TLCD4: variants seen among roughly 807,000 people sequenced by gnomAD.
TLCD4 encodes TLC domain containing 4.
TLCD4 carries 7 observed loss-of-function variants against 24.2 expected under a neutral mutation model. That is an observed-to-expected ratio of 0.29 (90% CI 0.16 to 0.54). The LOEUF is 0.54. Among genes scored for constraint, TLCD4 ranks in the 20% least tolerant of loss-of-function variants. TLCD4 has a pLI of 0.95. For synonymous variants in TLCD4, 103 were observed against 106.4 expected (o/e 0.97, Z 0.20); for missense variants, 259 against 313.9 (o/e 0.82, Z 1.32).
chr1:95,158,464 T>A (rs1186849859), intron 5 of TLCD4, among the ~76,000 whole-genome samples: 18 of 151,976 alleles, frequency 1.2e-4, no homozygotes, highest in Admixed American at 1.1e-3. Flanking sequence ...ATTACAGGCA[T>A]GATTCACCAT....
At chr1:95,096,252 C>A in the TLCD4 span, among the ~76,000 whole-genome samples, 7 of 152,196 alleles carry the variant, frequency 4.6e-5, no homozygotes, top group Non-Finnish European at 8.8e-5. Flanking sequence ...AGGTCCACTG[C>A]CTGTTTTTGT....
At position 95,148,909 on chromosome 1, in the gene TLCD4, A is replaced by G. The variant is rs917952767; in HGVS notation, c.245+118A>G. 4.6e-6 allele frequency: 6 copies of G among 1,297,820 alleles called. No homozygotes were observed. The African/African-American group carries it at 9.0e-5, about 19-fold the overall frequency. 80.4% of individuals were successfully genotyped at this position (1,297,820 alleles called of 1,614,324 possible). A position where few individuals can be genotyped will look rare whatever the true frequency, so the allele number is the denominator to read the frequency against. ...TATTGATCGTATATGCCTTATTAAAATGCTTGTGCTCAGACATTCTAGCAA... is the reference window on the plus strand; with the variant it reads ...TATTGATCGTATATGCCTTATTAAAGTGCTTGTGCTCAGACATTCTAGCAA... On this transcript the variant is annotated intron_variant, in intron 3 of 6. Transcript: ENST00000370203.
chr1:95,186,879 A>T (rs1256208047), intron 6 of TLCD4, among the ~76,000 whole-genome samples: 1 of 152,188 alleles, frequency 6.6e-6, no homozygotes, highest in Non-Finnish European at 1.5e-5. Context: ...AAATTATTTG[A>T]TATTTTAATC....
the TLCD4 span, among the ~76,000 whole-genome samples, chr1:95,100,836 T>A: frequency 6.6e-6 from 1 of 152,192 alleles, no homozygotes; most frequent in Non-Finnish European, 1.5e-5. Context: ...AAATTATCTT[T>A]TAAGAAAGAT....
chr1:95,119,578 G>C (rs972317619), intron 1 of TLCD4, among the ~76,000 whole-genome samples: 14 of 152,158 alleles, frequency 9.2e-5, no homozygotes, highest in African/African-American at 3.4e-4. Context: ...GCAGGTTTGG[G>C]AATGTACCTG....
chr1:95,181,621 G>C (rs1403105501), intron 6 of TLCD4, among the ~76,000 whole-genome samples: 1 of 119,844 alleles, frequency 8.3e-6, no homozygotes, highest in Non-Finnish European at 1.9e-5. Flanking sequence ...TTTTGAGATG[G>C]AGTCTCGCAT....
intron 1 of TLCD4, among the ~76,000 whole-genome samples, chr1:95,139,330 T>G (rs1677135000): frequency 6.6e-6 from 1 of 151,848 alleles, no homozygotes; most frequent in Non-Finnish European, 1.5e-5. Context: ...TGAACATTAC[T>G]GTAGGCTTTA....
upstream of TLCD4, among the ~76,000 whole-genome samples, chr1:95,115,090 A>T (rs1344432820): frequency 6.9e-6 from 1 of 144,798 alleles, no homozygotes; most frequent in African/African-American, 2.5e-5. Flanking sequence ...TATACACATT[A>T]TATATATATA....
At chr1:95,150,907 TTTTG>T (rs1422292303) in intron 4 of TLCD4, among the ~76,000 whole-genome samples, 68 of 152,302 alleles carry the variant, frequency 4.5e-4, no homozygotes, top group African/African-American at 1.5e-3. Context: ...CAATAATATT[TTTTG>T]TTTATTTTAA....
rs140461618 is a variant in TLCD4, at chr1:95,183,609, C to T, written c.474-7941C>T. ...ATCCCAGCATTTTGGGAGGCCGAGG[C>T]GAGCAGATCACAAGGTCAGGAGGAG... is the stretch of plus-strand genomic sequence containing the variant. On this transcript the variant is annotated intron_variant, in intron 6 of 6. Coordinates refer to ENST00000370203, the MANE Select transcript of TLCD4 (RefSeq NM_152487.3). 8.5e-5 allele frequency among the ~76,000 whole-genome samples: 13 copies of T among 152,186 alleles called. No individual in the cohort carries two copies. The East Asian group carries it at 1.2e-3, about 14-fold the overall frequency.
At chr1:95,098,218 T>G in the TLCD4 span, among the ~76,000 whole-genome samples, 160 of 152,224 alleles carry the variant, frequency 1.1e-3, no homozygotes, top group African/African-American at 3.6e-3. Flanking sequence ...TAACTGGTGG[T>G]TTTTTTGACT....
Position 95,148,769 on chromosome 1 carries a change from G to A in TLCD4, c.223G>A (p.Ala75Thr), listed in dbSNP as rs368830517. 10 of 1,613,310 alleles carry A rather than the reference G, an allele frequency of 6.2e-6. No individual in the cohort carries two copies. The highest frequency in any genetic ancestry group is 4.5e-5 in the East Asian group (2 of 44,810). The change falls in exon 3 of 7, where the codon GCT becomes ACT. Residue 75 changes from alanine to threonine, a missense_variant. Ala to Thr is a moderately conservative substitution (Grantham distance 58). Transcript: ENST00000370203. ...FGLYIFLFDE[A>T]TKADPLWGGP... Reference sequence around the variant, plus strand: ...CCTGTACATTTTCTTATTCGATGAGGCTACTAAAGCTGATCCACTTTGGTA... The same window carrying A: ...CCTGTACATTTTCTTATTCGATGAGACTACTAAAGCTGATCCACTTTGGTA...
intron 5 of TLCD4, among the ~76,000 whole-genome samples, chr1:95,158,464 T>G (rs1186849859): frequency 6.6e-6 from 1 of 151,976 alleles, no homozygotes; most frequent in Non-Finnish European, 1.5e-5. Flanking sequence ...ATTACAGGCA[T>G]GATTCACCAT....
At chr1:95,161,324 G>A (rs1258151556) in intron 5 of TLCD4, among the ~76,000 whole-genome samples, 1 of 152,184 alleles carries the variant, frequency 6.6e-6, no homozygotes, top group Non-Finnish European at 1.5e-5. Context: ...ATGGTAGTTT[G>A]CATGTCTGTG....
the TLCD4 span, among the ~76,000 whole-genome samples, chr1:95,109,197 T>A: frequency 6.6e-6 from 1 of 151,806 alleles, no homozygotes; most frequent in African/African-American, 2.4e-5. Flanking sequence ...GCCTGGTGGG[T>A]GTGCCTACAG....
At chr1:95,108,248 T>G in the TLCD4 span, among the ~76,000 whole-genome samples, 1 of 152,174 alleles carries the variant, frequency 6.6e-6, no homozygotes, top group Non-Finnish European at 1.5e-5. Flanking sequence ...AGGTAGTAGT[T>G]TCTGATTTTT....
At chr1:95,096,533 T>C in the TLCD4 span, among the ~76,000 whole-genome samples, 2 of 152,216 alleles carry the variant, frequency 1.3e-5, no homozygotes, top group African/African-American at 4.8e-5. Context: ...AAATAGTCAA[T>C]GTCTCTGAGG....
the TLCD4 span, among the ~76,000 whole-genome samples, chr1:95,099,884 C>T: frequency 6.6e-6 from 1 of 151,864 alleles, no homozygotes; most frequent in Admixed American, 6.6e-5. Flanking sequence ...ATAATCCCAG[C>T]ACTTTGGGAG....
At chr1:95,183,224 G>C (rs183476633) in intron 6 of TLCD4, among the ~76,000 whole-genome samples, 1 of 152,282 alleles carries the variant, frequency 6.6e-6, no homozygotes, top group Non-Finnish European at 1.5e-5. Context: ...TGTGGGACTA[G>C]AGAGATGACA....
Sources: allele counts gnomAD v4.1 joint callset (sites outside exome capture counted in the v4.1 genomes callset), GRCh38; gene constraint gnomAD v4.1.1; transcripts MANE v1.5; gene names NCBI Gene and HGNC (gene_info 2026-07-23, HGNC 2026-07-21).